EPHA10: variants seen among roughly 807,000 people sequenced by gnomAD.
EPHA10 encodes the protein ephrin type-A receptor 10.
In EPHA10, 120 loss-of-function variants were observed where a neutral mutation model predicts 109.7. The observed-to-expected ratio is 1.09, with a 90% CI of 0.94 to 1.27. EPHA10 has a LOEUF of 1.27. EPHA10 is among the 50% of genes most tolerant of loss of function. The pLI is 0.00. For missense variants in EPHA10, 1,396 were observed against 1,411.1 expected (o/e 0.99, Z 0.17); for synonymous variants, 640 against 618.9 (o/e 1.03, Z -0.51).
chr1:37,728,914 C>T (rs976575202), intron 7 of EPHA10, among the ~76,000 whole-genome samples: 2 of 152,132 alleles, frequency 1.3e-5, no homozygotes, highest in Non-Finnish European at 2.9e-5. Flanking sequence ...GAGAAAGATG[C>T]CAGCAGTGGG....
At chr1:37,751,648 C>G (rs1557555170) in intron 5 of EPHA10, among the ~76,000 whole-genome samples, 1 of 151,120 alleles carries the variant, frequency 6.6e-6, no homozygotes, top group Non-Finnish European at 1.5e-5. Flanking sequence ...CTGAGGCCAG[C>G]AGATCATGAG....
chr1:37,735,227 G>C (rs757156348), intron 6 of EPHA10, 30 bp downstream of exon 6: 2 of 1,560,220 alleles, frequency 1.3e-6, no homozygotes, highest in Non-Finnish European at 1.7e-6. Flanking sequence ...TGCGGGGCAG[G>C]CTCCAGGTCC....
chr1:37,739,710 A>G (rs1436753243), intron 5 of EPHA10, among the ~76,000 whole-genome samples: 2 of 145,898 alleles, frequency 1.4e-5, no homozygotes, highest in African/African-American at 5.0e-5. Context: ...AAAAAAAAAA[A>G]AGGAAGTAGA....
intron 15 of EPHA10, chr1:37,719,127 T>C (rs1045553438): frequency 1.4e-5 from 8 of 590,896 alleles, no homozygotes; most frequent in Admixed American, 3.0e-5. Flanking sequence ...ACATATTTGA[T>C]TCATTGGAAC....
Position 37,721,761 on chromosome 1 carries a change from C to A in EPHA10, c.2045G>T (p.Ser682Ile). ...LLVAVHMLRD[S>I]ASDSQRLGFL... ...GCCGAGCCTCTGTGAGTCGGAGGCGCTGTCCCTCAGCATATGCACGGCTAC... is the reference window on the plus strand; with the variant it reads ...GCCGAGCCTCTGTGAGTCGGAGGCGATGTCCCTCAGCATATGCACGGCTAC... Residue 682 changes from serine (S) to isoleucine (I), a missense_variant, in exon 11 of 17, where the codon AGC becomes ATC. By Grantham distance (142) the Ser-to-Ile change is moderately radical. Transcript: ENST00000373048. 27 of 1,612,666 alleles carry A rather than the reference C, an allele frequency of 1.7e-5. No homozygotes were observed. The highest frequency in any genetic ancestry group is 2.3e-5 in the Non-Finnish European group (27 of 1,179,838).
At chr1:37,725,520 A>G (rs1045137675) in intron 8 of EPHA10, among the ~76,000 whole-genome samples, 1 of 151,094 alleles carries the variant, frequency 6.6e-6, no homozygotes, top group African/African-American at 2.4e-5. Context: ...AAAAAAAAAA[A>G]AAAAAAAAAA....
intron 6 of EPHA10, among the ~76,000 whole-genome samples, chr1:37,732,510 G>C (rs1347853352): frequency 6.6e-6 from 1 of 152,154 alleles, no homozygotes; most frequent in Admixed American, 6.5e-5. Flanking sequence ...CAGGAACTGG[G>C]ACGGACTTTG....
rs1210720251 is a variant in EPHA10, at chr1:37,754,404, C to T, written c.851-34G>A. 5 of 1,276,514 alleles carry T rather than the reference C, an allele frequency of 3.9e-6. No homozygotes were observed. Among genetic ancestry groups the T allele is most frequent in the Non-Finnish European group, 5.0e-6 (5 of 1,008,110 alleles). 79.1% of individuals were successfully genotyped at this position (1,276,514 alleles called of 1,614,324 possible). A position where few individuals can be genotyped will look rare whatever the true frequency, so the allele number is the denominator to read the frequency against. On this transcript the variant is annotated intron_variant, in intron 3 of 16. Coordinates refer to ENST00000373048, the MANE Select transcript of EPHA10 (RefSeq NM_001099439.2). This position sits in a 1 kb window ranked among gnomAD's most constrained non-coding sequence, Gnocchi z 4.5. ...CATGGCTGGTGAGAAGAGGGGGCTCCTCCAGTTTCTCCCCGCTTTCCTGAC... is the reference window on the plus strand; with the variant it reads ...CATGGCTGGTGAGAAGAGGGGGCTCTTCCAGTTTCTCCCCGCTTTCCTGAC...
intron 5 of EPHA10, among the ~76,000 whole-genome samples, chr1:37,741,691 G>A (rs1646156101): frequency 6.6e-6 from 1 of 151,714 alleles, no homozygotes; most frequent in African/African-American, 2.4e-5. Context: ...CCACAGAGTG[G>A]CATTGCCTCC....
chr1:37,744,198 A>C (rs548431583), intron 5 of EPHA10, among the ~76,000 whole-genome samples: 7 of 152,234 alleles, frequency 4.6e-5, no homozygotes, highest in Non-Finnish European at 7.3e-5. Context: ...AGAAGAAATA[A>C]ATAAATTTGA....
Position 37,751,275 on chromosome 1 carries a change from G to T in EPHA10, c.1357+1601C>A, listed in dbSNP as rs1646321822. Among the ~76,000 whole-genome samples, 4 of 143,640 alleles carry T rather than the reference G, an allele frequency of 2.8e-5. No individual in the cohort carries two copies. The South Asian group carries it at 7.0e-4, about 25-fold the overall frequency. 94.2% of individuals were successfully genotyped at this position (143,640 alleles called of 152,430 possible). A position where few individuals can be genotyped will look rare whatever the true frequency, so the allele number is the denominator to read the frequency against. On this transcript the variant is annotated intron_variant, in intron 5 of 16. Transcript: ENST00000373048. The stretch of plus-strand genomic sequence containing the variant: ...AAAAAGAAATCCATATTGGTTAAAT[G>T]ATTATTTTCAGCCTGGCATGAGGTG...
In EPHA10 at chr1:37,754,715, A is replaced by C. The variant is rs532514078; in HGVS notation, c.851-345T>G. The stretch of plus-strand genomic sequence containing the variant: ...ACATGGCCAAACCCCGTCTCTATTT[A>C]TTATTTTTTAAATTACGTCTATTAA... On this transcript the variant is annotated intron_variant, in intron 3 of 16. Transcript: ENST00000373048. This position sits in a 1 kb window ranked among gnomAD's most constrained non-coding sequence, Gnocchi z 4.5. Among the ~76,000 whole-genome samples, 289 of 152,276 alleles carry C rather than the reference A, an allele frequency of 1.9e-3. No homozygotes were observed. Among genetic ancestry groups the C allele is most frequent in the Non-Finnish European group, 2.3e-3 (156 of 68,016 alleles).
Position 37,739,688 on chromosome 1 carries a change from CAAAAAAA to C in EPHA10, c.1358-4305_1358-4299del, listed in dbSNP as rs66804054. Among the ~76,000 whole-genome samples, 452 of 76,666 alleles carry C rather than the reference CAAAAAAA, an allele frequency of 5.9e-3. 1 individual carries two copies. The highest frequency in any genetic ancestry group is 9.1e-3 in the Non-Finnish European group (375 of 41,276). 50.3% of individuals were successfully genotyped at this position (76,666 alleles called of 152,430 possible). A position where few individuals can be genotyped will look rare whatever the true frequency, so the allele number is the denominator to read the frequency against. ...TGGTTGATAGAGTGAGACCCTGTCTCAAAAAAAAAAAAAAAAAAAAAAAGGAAGTAGA... is the reference window on the plus strand; with the variant it reads ...TGGTTGATAGAGTGAGACCCTGTCTCAAAAAAAAAAAAAAAAGGAAGTAGA... On this transcript the variant is annotated intron_variant, in intron 5 of 16. Transcript: ENST00000373048.
chr1:37,757,675 C>G (rs1379068805), intron 3 of EPHA10, among the ~76,000 whole-genome samples: 2 of 152,170 alleles, frequency 1.3e-5, no homozygotes, highest in Non-Finnish European at 2.9e-5. Flanking sequence ...CTTTCTCTCT[C>G]TCTCTCTTTC....
intron 5 of EPHA10, among the ~76,000 whole-genome samples, chr1:37,745,781 C>T (rs186455529): frequency 2.0e-5 from 3 of 152,246 alleles, no homozygotes; most frequent in Non-Finnish European, 4.4e-5. Context: ...ACCTGGGAAG[C>T]GGAGGTTGCA....
intron 6 of EPHA10, chr1:37,734,677 G>A: frequency 2.2e-6 from 1 of 454,486 alleles, no homozygotes; most frequent in Non-Finnish European, 4.4e-6. Context: ...GCAAAAATCA[G>A]CACAAGTATC....
At chr1:37,750,508 A>G (rs541655300) in intron 5 of EPHA10, among the ~76,000 whole-genome samples, 1 of 152,300 alleles carries the variant, frequency 6.6e-6, no homozygotes, top group East Asian at 1.9e-4. Flanking sequence ...GTAAAACCTA[A>G]GGCTTAGAGA....
chr1:37,757,422 G>A (rs511677), intron 3 of EPHA10, among the ~76,000 whole-genome samples: 116,575 of 151,780 alleles, frequency 0.77, 45,275 homozygotes, highest in Admixed American at 0.84. Flanking sequence ...CCCACTGCCA[G>A]CCACTCTAAC....
At chr1:37,731,362 G>C in intron 7 of EPHA10, 49 bp downstream of exon 7, 1 of 1,509,474 alleles carries the variant, frequency 6.6e-7, no homozygotes, top group Non-Finnish European at 8.9e-7. Flanking sequence ...TCAGCCCCGT[G>C]CAGGGTTCTC....
Sources: allele counts gnomAD v4.1 joint callset (sites outside exome capture counted in the v4.1 genomes callset), GRCh38; gene constraint gnomAD v4.1.1; non-coding constraint Gnocchi (gnomAD v3.1); transcripts MANE v1.5; gene names NCBI Gene and HGNC (gene_info 2026-07-23, HGNC 2026-07-21).